Variants in GNG7 observed in about 807,000 individuals in gnomAD.
The protein encoded by GNG7 is G protein subunit gamma 7.
In GNG7, 1 loss-of-function variant was observed where a neutral mutation model predicts 4.0. That is an observed-to-expected ratio of 0.25 (90% CI 0.09 to 1.18). The LOEUF (loss-of-function observed/expected upper bound fraction) is 1.18, where lower values mean the gene tolerates loss of function less well. Ranked by LOEUF, GNG7 falls within the 50% of genes most tolerant of loss-of-function variation. The pLI, the probability that GNG7 is intolerant of heterozygous loss-of-function variation, is 0.50. For missense variants in GNG7, 86 were observed against 91.9 expected (o/e 0.94, Z 0.26); for synonymous variants, 34 against 36.9 (o/e 0.92, Z 0.29).
chr19:2,520,457 G>T (rs1015983823), intron 4 of GNG7, 151 bp downstream of exon 4: 2 of 564,788 alleles, frequency 3.5e-6, no homozygotes, highest in African/African-American at 1.9e-5. Flanking sequence ...GGAAATGGAG[G>T]CTCAGAGAGG....
chr19:2,575,089 CTT>C (rs34248001), intron 2 of GNG7, among the ~76,000 whole-genome samples: 21 of 138,764 alleles, frequency 1.5e-4, no homozygotes, highest in Admixed American at 4.4e-4. Flanking sequence ...TTCTTTCTTT[CTT>C]TTTTTTTTTT....
At chr19:2,687,813 A>G (rs1326704591) in intron 1 of GNG7, among the ~76,000 whole-genome samples, 1 of 151,142 alleles carries the variant, frequency 6.6e-6, no homozygotes, top group Non-Finnish European at 1.5e-5. Context: ...ATCTCTACTA[A>G]AAATACAAAA....
chr19:2,574,937 C>T, intron 2 of GNG7, among the ~76,000 whole-genome samples: 1 of 152,194 alleles, frequency 6.6e-6, no homozygotes. Flanking sequence ...TTCTCCAAGG[C>T]TGCTGGCAGG....
At chr19:2,519,146 C>CTTTTT (rs71178282) in intron 4 of GNG7, among the ~76,000 whole-genome samples, 20 of 84,540 alleles carry the variant, frequency 2.4e-4, no homozygotes, top group Admixed American at 4.6e-4. Flanking sequence ...TTTCTTGTTT[C>CTTTTT]TTTTTTTTTT....
In GNG7 at chr19:2,648,591, C is replaced by G. The variant is rs184433038; in HGVS notation, c.-134-2311G>C. On this transcript the variant is annotated intron_variant, in intron 1 of 4. Transcript: ENST00000382159. The stretch of plus-strand genomic sequence containing the variant: ...CTACGAGCTCAGGGTAATTTACCAT[C>G]AATAAAAGGTAGGGATAGGGAGCTG... 2.6e-5 allele frequency among the ~76,000 whole-genome samples: 4 copies of G among 152,320 alleles called. No individual in the cohort carries two copies. In the East Asian group the frequency reaches 7.7e-4, roughly 29 times the overall value.
At chr19:2,529,437 C>G (rs1338633625) in intron 3 of GNG7, among the ~76,000 whole-genome samples, 1 of 152,074 alleles carries the variant, frequency 6.6e-6, no homozygotes, top group African/African-American at 2.4e-5. Flanking sequence ...AGGCTGGTCT[C>G]GAACTCCTGA....
In GNG7 at chr19:2,575,106, A is replaced by G. The variant is rs1980268337; in HGVS notation, c.-77-19918T>C. ...CTTTCTTTCTTTTTTTTTTTTTTAG[A>G]TGGGGTCTTGCTCTATTGCCCAGGC... On this transcript the variant is annotated intron_variant, in intron 2 of 4. Coordinates refer to ENST00000382159, the MANE Select transcript of GNG7 (RefSeq NM_052847.3). 2.6e-5 allele frequency among the ~76,000 whole-genome samples: 3 copies of G among 114,724 alleles called. No homozygotes were observed. The South Asian group carries it at 7.5e-4, about 29-fold the overall frequency. 75.3% of individuals were successfully genotyped at this position (114,724 alleles called of 152,430 possible).
rs111842686 is a variant in GNG7 at position 2,574,336 on chromosome 19, T to G, written c.-77-19148A>C. 4.8e-3 allele frequency among the ~76,000 whole-genome samples: 737 copies of G among 152,206 alleles called. 6 individuals carry two copies. Among genetic ancestry groups the G allele is most frequent in the African/African-American group, 0.017 (707 of 41,516 alleles). On this transcript the variant is annotated intron_variant, in intron 2 of 4. Transcript: ENST00000382159. ...CATCACCACCATCCTCTCCAGAACT[T>G]TCTCCTCTTCCCAAACTGAAACTCT... is the stretch of plus-strand genomic sequence containing the variant.
At chr19:2,597,842 G>C (rs1282683015) in intron 2 of GNG7, among the ~76,000 whole-genome samples, 1 of 149,328 alleles carries the variant, frequency 6.7e-6, no homozygotes, top group African/African-American at 2.5e-5. Flanking sequence ...CTTGCAGTGA[G>C]CCGAGATTGC....
chr19:2,696,338 GAAAGA>G (rs1555705079), intron 1 of GNG7, among the ~76,000 whole-genome samples: 1 of 122,990 alleles, frequency 8.1e-6, no homozygotes, highest in African/African-American at 3.1e-5. Flanking sequence ...AAGAAAGAAA[GAAAGA>G]AAGAAAAGAA....
At chr19:2,533,789 G>T (rs987579682) in intron 3 of GNG7, among the ~76,000 whole-genome samples, 10 of 152,136 alleles carry the variant, frequency 6.6e-5, no homozygotes, top group Non-Finnish European at 1.3e-4. Flanking sequence ...AATGCAGGAA[G>T]AAGTGAAAAA....
chr19:2,626,383 G>C lies in GNG7; in HGVS notation c.-78+19841C>G, dbSNP rs550605140. Among the ~76,000 whole-genome samples, 1 of 152,232 alleles carries C rather than the reference G, an allele frequency of 6.6e-6. No individual in the cohort carries two copies. The highest frequency in any genetic ancestry group is 1.9e-4 in the East Asian group (1 of 5,172). On this transcript the variant is annotated intron_variant, in intron 2 of 4. Coordinates refer to ENST00000382159, the MANE Select transcript of GNG7 (RefSeq NM_052847.3). This position sits in a 1 kb window ranked among gnomAD's most constrained non-coding sequence, Gnocchi z 5.0. ...CCTAATCTGTCACACAGGGAGGCTGGACCCAAACCAATTGATTGTTGTCAT... is the reference window on the plus strand; with the variant it reads ...CCTAATCTGTCACACAGGGAGGCTGCACCCAAACCAATTGATTGTTGTCAT...
intron 1 of GNG7, among the ~76,000 whole-genome samples, chr19:2,697,395 T>C (rs903812946): frequency 9.9e-5 from 15 of 151,436 alleles, no homozygotes; most frequent in African/African-American, 3.7e-4. Flanking sequence ...CGCCGCAGGA[T>C]GGGGGAGGAG....
chr19:2,549,517 C>T (rs1156331139), intron 3 of GNG7, among the ~76,000 whole-genome samples: 1 of 152,126 alleles, frequency 6.6e-6, no homozygotes, highest in African/African-American at 2.4e-5. Context: ...TCTTGAACTC[C>T]TGACCTTGTG....
At chr19:2,636,231 C>A (rs1392603649) in intron 2 of GNG7, among the ~76,000 whole-genome samples, 1 of 152,176 alleles carries the variant, frequency 6.6e-6, no homozygotes, top group African/African-American at 2.4e-5. Flanking sequence ...GGATGGAATT[C>A]TCCTCTGGCC....
rs1324357625 is a variant in GNG7 at position 2,611,917 on chromosome 19, A to T, written c.-78+34307T>A. ...TGAGATGGAGTCTCGCTCTGTCACC[A>T]GGCTGAAGTGCAGTAGTGTGATCTC... On this transcript the variant is annotated intron_variant, in intron 2 of 4. Transcript: ENST00000382159. This position sits in a 1 kb window ranked among gnomAD's most constrained non-coding sequence, Gnocchi z 6.0. 1 of 151,878 alleles carries T rather than the reference A, an allele frequency of 6.6e-6. No individual in the cohort carries two copies. The highest frequency in any genetic ancestry group is 1.5e-5 in the Non-Finnish European group (1 of 67,980). 9.4% of individuals were successfully genotyped at this position (151,878 alleles called of 1,614,324 possible). A position where few individuals can be genotyped will look rare whatever the true frequency, so the allele number is the denominator to read the frequency against.
intron 1 of GNG7, among the ~76,000 whole-genome samples, chr19:2,675,066 GTT>G (rs1403470906): frequency 1.3e-5 from 2 of 152,208 alleles, no homozygotes; most frequent in Non-Finnish European, 2.9e-5. Flanking sequence ...GACTGGTAAT[GTT>G]TTAACACATG....
chr19:2,632,474 T>TCACACACA lies in GNG7; in HGVS notation c.-78+13742_-78+13749dup, dbSNP rs10545211. ...AAACCCAACCTGCTATAAACAAAACTCACACACACACACACACACACACAC... is the reference window on the plus strand; with the variant it reads ...AAACCCAACCTGCTATAAACAAAACTCACACACACACACACACACACACACACACACAC... On this transcript the variant is annotated intron_variant, in intron 2 of 4. Transcript: ENST00000382159. The TCACACACA allele has an allele frequency of 7.6e-5, 10 of 132,042 alleles. 1 individual carries two copies. Among genetic ancestry groups the TCACACACA allele is most frequent in the South Asian group, 7.2e-4 (3 of 4,140 alleles). The allele number at this position is 132,042 out of a possible 1,614,324, so 8.2% of individuals were successfully genotyped here. A position where few individuals can be genotyped will look rare whatever the true frequency, so the allele number is the denominator to read the frequency against.
chr19:2,677,728 G>C (rs938605050), intron 1 of GNG7, among the ~76,000 whole-genome samples: 6 of 152,054 alleles, frequency 3.9e-5, no homozygotes, highest in Non-Finnish European at 7.4e-5. Flanking sequence ...CCTAACCCCC[G>C]GGGGTCTCAC....
Sources: gnomAD v4.1 joint callset for allele counts (sites outside exome capture counted in the v4.1 genomes callset) on GRCh38, gnomAD v4.1.1 for gene constraint, Gnocchi (gnomAD v3.1) non-coding constraint, MANE v1.5 for transcripts, NCBI Gene and HGNC (gene_info 2026-07-23, HGNC 2026-07-21) for gene names.